Variants in RPS6KB1 observed in about 807,000 individuals in gnomAD.
The protein encoded by RPS6KB1 is ribosomal protein S6 kinase beta-1.
In RPS6KB1, 12 loss-of-function variants were observed where a neutral mutation model predicts 70.2. The observed-to-expected ratio is 0.17, with a 90% confidence interval of 0.11 to 0.28. The LOEUF is 0.28. RPS6KB1 is among the 10% of genes least tolerant of loss of function. The probability of loss-of-function intolerance (pLI) is 1.00; values close to 1 mark genes in which losing one functional copy is unlikely to be tolerated. For synonymous variants in RPS6KB1, 175 were observed against 211.2 expected (o/e 0.83, Z 1.49); for missense variants, 270 against 646.6 (o/e 0.42, Z 6.32).
chr17:59,913,015 T>C (rs1173789300), intron 3 of RPS6KB1, among the ~76,000 whole-genome samples: 4 of 152,196 alleles, frequency 2.6e-5, no homozygotes, highest in Non-Finnish European at 5.9e-5. Context: ...ACATAATAGG[T>C]ACTCAGTCAA....
chr17:59,924,898 G>A (rs532522989), intron 4 of RPS6KB1, among the ~76,000 whole-genome samples: 20 of 151,122 alleles, frequency 1.3e-4, no homozygotes, highest in South Asian at 6.3e-4. Flanking sequence ...GCGTGATCTC[G>A]GCTCACTGCA....
rs190583726 is a variant in RPS6KB1, at chr17:59,927,803, G to A, written c.529+1221G>A. 4.0e-5 allele frequency among the ~76,000 whole-genome samples: 6 copies of A among 151,294 alleles called. No homozygotes were observed. The East Asian group carries it at 7.9e-4, about 20-fold the overall frequency. On this transcript the variant is annotated intron_variant, in intron 5 of 14. Coordinates refer to ENST00000225577, the MANE Select transcript of RPS6KB1 (RefSeq NM_003161.4). Reference sequence around the variant, plus strand: ...ATTACAAGTGTGAGCCACTGTGCCCGCCCGGAAAAACTTTATTTTGACATA... The same window carrying A: ...ATTACAAGTGTGAGCCACTGTGCCCACCCGGAAAAACTTTATTTTGACATA...
chr17:59,932,250 A>C (rs1198850893), intron 7 of RPS6KB1, among the ~76,000 whole-genome samples: 2 of 151,168 alleles, frequency 1.3e-5, no homozygotes, highest in Non-Finnish European at 3.0e-5. Context: ...AAAAATACAA[A>C]AAAAAAAAAA....
intron 4 of RPS6KB1, among the ~76,000 whole-genome samples, chr17:59,921,355 C>A (rs2043254088): frequency 6.6e-6 from 1 of 152,078 alleles, no homozygotes; most frequent in South Asian, 2.1e-4. Context: ...TCCTTGAAAG[C>A]AAGCTCATAG....
In RPS6KB1 at chr17:59,949,635, A is replaced by G. The variant is rs1382702121; in HGVS notation, c.*2847A>G. Reference sequence around the variant, plus strand: ...TAAAGTATTAATTATTGAACTTTGAACCAGATTTTTAGGAAAATTATGTTC... The same window carrying G: ...TAAAGTATTAATTATTGAACTTTGAGCCAGATTTTTAGGAAAATTATGTTC... On this transcript the variant is annotated 3_prime_UTR_variant, in exon 15 of 15. Transcript: ENST00000225577. The G allele has an allele frequency of 6.6e-6, 1 of 152,562 alleles. No homozygotes were observed. The highest frequency in any genetic ancestry group is 2.4e-5 in the African/African-American group (1 of 41,452). The allele number at this position is 152,562 out of a possible 1,614,324, so 9.5% of individuals were successfully genotyped here.
intron 1 of RPS6KB1, among the ~76,000 whole-genome samples, chr17:59,900,232 C>CACACACA (rs1568377896): frequency 9.5e-6 from 1 of 104,822 alleles, no homozygotes; most frequent in African/African-American, 3.4e-5. Context: ...ACACACACAC[C>CACACACA]CCTATGTGTT....
intron 1 of RPS6KB1, among the ~76,000 whole-genome samples, chr17:59,904,130 G>C (rs933542237): frequency 6.6e-6 from 1 of 151,882 alleles, no homozygotes; most frequent in Non-Finnish European, 1.5e-5. Context: ...GCCCAGGCTG[G>C]AGTGCAGTGG....
intron 10 of RPS6KB1, among the ~76,000 whole-genome samples, 175 bp downstream of exon 10, chr17:59,935,475 T>C (rs531730618): frequency 6.6e-6 from 1 of 152,280 alleles, no homozygotes; most frequent in African/African-American, 2.4e-5. Context: ...ATATTCTTTT[T>C]TTAAATTTTT....
chr17:59,932,004 T>C (rs1020608292), intron 7 of RPS6KB1, among the ~76,000 whole-genome samples: 9 of 152,204 alleles, frequency 5.9e-5, no homozygotes, highest in Non-Finnish European at 1.2e-4. Flanking sequence ...CATCAAATGT[T>C]GTATAATGTT....
At chr17:59,900,169 TAAACACACACACACACACACAC>T (rs1568376705) in intron 1 of RPS6KB1, among the ~76,000 whole-genome samples, 1 of 57,458 alleles carries the variant, frequency 1.7e-5, no homozygotes, top group Non-Finnish European at 3.7e-5. Context: ...ACCTAATTGC[TAAACACACACACACACACACAC>T]ACACACACAC....
intron 5 of RPS6KB1, among the ~76,000 whole-genome samples, chr17:59,928,237 T>C (rs1201918439): frequency 6.6e-6 from 1 of 152,084 alleles, no homozygotes; most frequent in Non-Finnish European, 1.5e-5. Flanking sequence ...TTCACCACAT[T>C]TATTTTGTTT....
At chr17:59,941,092 T>C in intron 13 of RPS6KB1, 149 bp downstream of exon 13, 1 of 532,180 alleles carries the variant, frequency 1.9e-6, no homozygotes, top group Non-Finnish European at 3.3e-6. Context: ...CCTTTATAAC[T>C]TATTGATGCC....
chr17:59,906,352 T>TCCCTTCCCCTTC (rs963369036), intron 1 of RPS6KB1, among the ~76,000 whole-genome samples: 3 of 151,976 alleles, frequency 2.0e-5, no homozygotes, highest in African/African-American at 7.2e-5. Context: ...GTCCCTTGCC[T>TCCCTTCCCCTTC]CCCTTCCCCT....
At chr17:59,914,174 AAT>A (rs1420430722) in intron 3 of RPS6KB1, among the ~76,000 whole-genome samples, 1 of 152,168 alleles carries the variant, frequency 6.6e-6, no homozygotes, top group Non-Finnish European at 1.5e-5. Flanking sequence ...ACTATTTTTA[AAT>A]AGTTTTATGT....
rs1270010844 is a variant in RPS6KB1, at chr17:59,948,421, CTA to C, written c.*1635_*1636del. On this transcript the variant is annotated 3_prime_UTR_variant, in exon 15 of 15. Transcript: ENST00000225577. ...GATTTTTTTAAATAGATGCTGCTTG[CTA>C]TGTTTTCAAACCTTTTTGAGCCATA... 2.6e-5 allele frequency: 4 copies of C among 152,472 alleles called. No individual in the cohort carries two copies. Among genetic ancestry groups the C allele is most frequent in the Admixed American group, 6.6e-5 (1 of 15,262 alleles). The allele number at this position is 152,472 out of a possible 1,614,324, so 9.4% of individuals were successfully genotyped here.
chr17:59,906,659 G>T (rs1462290582), intron 1 of RPS6KB1, among the ~76,000 whole-genome samples: 3 of 151,810 alleles, frequency 2.0e-5, no homozygotes, highest in African/African-American at 7.3e-5. Context: ...ACCACACCCG[G>T]CCTGGCTCCT....
At chr17:59,940,981 T>C (rs746738301) in intron 13 of RPS6KB1, 38 bp downstream of exon 13, 1 of 1,337,966 alleles carries the variant, frequency 7.5e-7, no homozygotes, top group South Asian at 1.2e-5. Flanking sequence ...TGGGAAATTT[T>C]AGTGTGAGGA....
rs745617264 is a variant in RPS6KB1, at chr17:59,936,436, A to G, written c.1042-28A>G. 4 of 1,607,810 alleles carry G rather than the reference A, an allele frequency of 2.5e-6. No homozygotes were observed. The East Asian group carries it at 8.9e-5, about 36-fold the overall frequency. On this transcript the variant is annotated intron_variant, in intron 11 of 14. Coordinates refer to ENST00000225577, the MANE Select transcript of RPS6KB1 (RefSeq NM_003161.4). ...AATCCAGCAAAGTCTAGTCCCCTCA[A>G]CTTTTCTTCCTGCTTTTTTTTTCCT... is the stretch of plus-strand genomic sequence containing the variant.
At chr17:59,938,461 T>C (rs1444004065) in intron 12 of RPS6KB1, among the ~76,000 whole-genome samples, 3 of 152,104 alleles carry the variant, frequency 2.0e-5, no homozygotes, top group Non-Finnish European at 4.4e-5. Flanking sequence ...TTGGTTACTA[T>C]GTCTCTTAGG....
Sources: gnomAD v4.1 joint callset for allele counts (sites outside exome capture counted in the v4.1 genomes callset) on GRCh38, gnomAD v4.1.1 for gene constraint, MANE v1.5 for transcripts, NCBI Gene and HGNC (gene_info 2026-07-23, HGNC 2026-07-21) for gene names.